The following SBF2 variants were observed in gnomAD, a reference collection of about 807,000 sequenced individuals.
SBF2 encodes the protein myotubularin-related protein 13.
In SBF2, 112 loss-of-function variants were observed where a neutral mutation model predicts 225.2. The ratio of observed to expected loss-of-function variants is 0.50; its 90% CI spans 0.43 to 0.58. The LOEUF (loss-of-function observed/expected upper bound fraction) is 0.58, where lower values mean the gene tolerates loss of function less well. Among genes scored for constraint, SBF2 ranks in the 20% least tolerant of loss-of-function variants. SBF2 has a pLI of 0.00. For synonymous variants in SBF2, 763 were observed against 773.3 expected, an observed-to-expected ratio of 0.99 and a Z score of 0.22; for missense variants, 1,996 against 2,206.2, an observed-to-expected ratio of 0.90 and a Z score of 1.91.
At chr11:9,829,605 T>C in intron 27 of SBF2, 109 bp from the exon 28 acceptor site, 1 of 1,024,746 alleles carries the variant, frequency 9.8e-7, no homozygotes, top group South Asian at 1.4e-5. Flanking sequence ...TTTCTCTATA[T>C]AGTCTACAAG....
chr11:9,861,577 T>G (rs1408823138), intron 17 of SBF2, among the ~76,000 whole-genome samples: 2 of 150,260 alleles, frequency 1.3e-5, no homozygotes, highest in Non-Finnish European at 3.0e-5. Flanking sequence ...GGCAGGAGAG[T>G]TGCTTGAATC....
chr11:9,938,987 GA>G (rs1306368053), intron 16 of SBF2, among the ~76,000 whole-genome samples: 1 of 151,666 alleles, frequency 6.6e-6, no homozygotes, highest in Admixed American at 6.6e-5. Context: ...AAAATGTCAA[GA>G]AAAAGTTAAC....
chr11:10,220,633 A>G (rs1416825530), intron 1 of SBF2, among the ~76,000 whole-genome samples: 1 of 152,178 alleles, frequency 6.6e-6, no homozygotes, highest in Non-Finnish European at 1.5e-5. Flanking sequence ...ATTTGAAATC[A>G]TACTCACATT....
chr11:10,224,627 T>C (rs893375191), intron 1 of SBF2, among the ~76,000 whole-genome samples: 1 of 152,180 alleles, frequency 6.6e-6, no homozygotes, highest in Non-Finnish European at 1.5e-5. Context: ...GTTTTTTTAA[T>C]AGGCTGTCCC....
intron 1 of SBF2, among the ~76,000 whole-genome samples, chr11:10,226,900 G>A (rs1036978596): frequency 1.7e-4 from 26 of 150,360 alleles, no homozygotes; most frequent in Admixed American, 7.3e-4. Context: ...CTGAGGAATC[G>A]CTGACTTCCA....
intron 2 of SBF2, among the ~76,000 whole-genome samples, chr11:10,167,789 A>G (rs1309318120): frequency 2.0e-5 from 3 of 152,208 alleles, no homozygotes; most frequent in Non-Finnish European, 2.9e-5. Flanking sequence ...AGGCTGAGGA[A>G]GGCGGATCAC....
intron 12 of SBF2, among the ~76,000 whole-genome samples, chr11:9,991,703 T>C (rs1234628867): frequency 6.6e-6 from 1 of 152,138 alleles, no homozygotes; most frequent in East Asian, 1.9e-4. Context: ...CAAAACAGCA[T>C]CCTTATTTTG....
intron 17 of SBF2, among the ~76,000 whole-genome samples, chr11:9,860,962 A>G (rs1344187945): frequency 1.3e-5 from 2 of 152,142 alleles, no homozygotes; most frequent in East Asian, 1.9e-4. Flanking sequence ...TTTCTTCAGT[A>G]TTTTTCACAC....
At chr11:10,007,531 T>G (rs1057329635) in intron 6 of SBF2, among the ~76,000 whole-genome samples, 1 of 152,186 alleles carries the variant, frequency 6.6e-6, no homozygotes, top group South Asian at 2.1e-4. Context: ...AAATCCCCTA[T>G]GTACAGGCCT....
chr11:10,212,442 G>A (rs1957972390), intron 1 of SBF2, among the ~76,000 whole-genome samples: 1 of 152,176 alleles, frequency 6.6e-6, no homozygotes, highest in Admixed American at 6.5e-5. Context: ...CTTTAGGGAA[G>A]GCTATGAAGA....
intron 12 of SBF2, among the ~76,000 whole-genome samples, chr11:9,992,155 CT>C (rs1016165852): frequency 2.9e-4 from 44 of 152,030 alleles, no homozygotes; most frequent in African/African-American, 1.1e-3. Flanking sequence ...CACTCATCAC[CT>C]GAGTAGTATA....
intron 14 of SBF2, among the ~76,000 whole-genome samples, chr11:9,967,212 A>G (rs987353239): frequency 1.3e-5 from 2 of 152,138 alleles, no homozygotes; most frequent in African/African-American, 4.8e-5. Context: ...TCTACTAAAA[A>G]TACAAAAAAA....
intron 16 of SBF2, among the ~76,000 whole-genome samples, chr11:9,904,349 G>C (rs963806697): frequency 1.3e-5 from 2 of 152,048 alleles, no homozygotes; most frequent in East Asian, 1.9e-4. Context: ...TGCATTACTA[G>C]GGATAAAATG....
At chr11:10,269,670 C>G (rs1215864474) in intron 1 of SBF2, among the ~76,000 whole-genome samples, 1 of 152,160 alleles carries the variant, frequency 6.6e-6, no homozygotes, top group Non-Finnish European at 1.5e-5. Context: ...AATGCAGAAA[C>G]TGAGACAGAA....
chr11:10,231,843 A>G (rs1400467947), intron 1 of SBF2, among the ~76,000 whole-genome samples: 6 of 152,234 alleles, frequency 3.9e-5, no homozygotes, highest in African/African-American at 1.2e-4. Flanking sequence ...GCTGTCAGAC[A>G]GGGACATTTA....
chr11:9,994,399 C>T (rs1205079623), intron 9 of SBF2, among the ~76,000 whole-genome samples: 3 of 150,068 alleles, frequency 2.0e-5, no homozygotes, highest in South Asian at 4.2e-4. Context: ...GGCGTGAACC[C>T]GGGAGGCGGA....
chr11:9,781,114 C>T (rs955870922), intron 39 of SBF2, among the ~76,000 whole-genome samples: 3 of 152,180 alleles, frequency 2.0e-5, no homozygotes, highest in East Asian at 1.9e-4. Context: ...AAGATGTTAG[C>T]GTAGACACTT....
rs1478507886 is a variant in SBF2, at chr11:10,174,596, C to T, written c.141+19306G>A. ...AGTTGGAAAACACTCTGCAGGATATCATCCAGGAGAACTTCCCCAATGTAG... is the reference window on the plus strand; with the variant it reads ...AGTTGGAAAACACTCTGCAGGATATTATCCAGGAGAACTTCCCCAATGTAG... On this transcript the variant is annotated intron_variant, in intron 2 of 39. Coordinates refer to ENST00000256190, the MANE Select transcript of SBF2 (RefSeq NM_030962.4). Among the ~76,000 whole-genome samples the T allele has an allele frequency of 9.2e-5, 14 of 152,232 alleles. No individual in the cohort carries two copies. The South Asian group carries it at 1.9e-3, about 20-fold the overall frequency.
At chr11:10,139,894 C>A (rs551868260) in intron 2 of SBF2, among the ~76,000 whole-genome samples, 1 of 152,152 alleles carries the variant, frequency 6.6e-6, no homozygotes, top group Non-Finnish European at 1.5e-5. Context: ...CCACTGGGTG[C>A]GGATTAGCAG....
Sources: allele counts gnomAD v4.1 joint callset (sites outside exome capture counted in the v4.1 genomes callset), GRCh38; gene constraint gnomAD v4.1.1; transcripts MANE v1.5; gene names NCBI Gene and HGNC (gene_info 2026-07-23, HGNC 2026-07-21).